IFNAR1: variants seen among roughly 807,000 people sequenced by gnomAD.
The protein encoded by IFNAR1 is interferon alpha/beta receptor 1.
A neutral mutation model predicts 62.1 loss-of-function variants in IFNAR1; 47 were observed. The ratio of observed to expected loss-of-function variants is 0.76; its 90% CI spans 0.60 to 0.97. IFNAR1 has a LOEUF of 0.97. Among genes scored for constraint, IFNAR1 ranks in the 50% least tolerant of loss-of-function variants. The pLI, the probability that IFNAR1 is intolerant of heterozygous loss-of-function variation, is 0.00. For missense variants in IFNAR1, 638 were observed against 654.5 expected, an observed-to-expected ratio of 0.97 and a Z score of 0.27; for synonymous variants, 219 against 226.9, an observed-to-expected ratio of 0.97 and a Z score of 0.31.
chr21:33,342,500 C>A (rs531281149), intron 3 of IFNAR1, among the ~76,000 whole-genome samples: 1 of 152,110 alleles, frequency 6.6e-6, no homozygotes, highest in East Asian at 1.9e-4. Flanking sequence ...TACTAATCTT[C>A]CAATTCCCTG....
At chr21:33,347,707 G>A (rs2123258019) in intron 6 of IFNAR1, among the ~76,000 whole-genome samples, 1 of 152,302 alleles carries the variant, frequency 6.6e-6, no homozygotes, top group South Asian at 2.1e-4. Context: ...AATTATGAGA[G>A]GAGGGCCTCC....
chr21:33,334,794 G>T (rs1287168406), intron 1 of IFNAR1: 2 of 816,704 alleles, frequency 2.4e-6, no homozygotes, highest in African/African-American at 1.7e-5. Context: ...GGTGCCATCA[G>T]TGGCTATCCT....
At chr21:33,347,131 CTT>C (rs5843597) in intron 6 of IFNAR1, among the ~76,000 whole-genome samples, 2,749 of 132,238 alleles carry the variant, frequency 0.021, 81 homozygotes, top group African/African-American at 0.07. Flanking sequence ...CCTCTAGATC[CTT>C]TTTTTTTTTT....
rs749808658 is a variant in IFNAR1 at position 33,355,445 on chromosome 21, C to T, written c.1570C>T (p.His524Tyr). The T allele has an allele frequency of 6.2e-6, 10 of 1,600,744 alleles. No individual in the cohort carries two copies. The highest frequency in any genetic ancestry group is 3.3e-4 in the Middle Eastern group (2 of 6,038). Residue 524 changes from histidine to tyrosine, a missense_variant, in exon 11 of 11, where the codon CAT becomes TAT. His to Tyr is a moderately conservative substitution (Grantham distance 83). Transcript: ENST00000270139. ...AGAAACTAATCAAACTGATGAAGAT[C>T]ATAAAAAATACAGTTCCCAAACTAG... ...VEETNQTDEDHKKYSSQTSQD... is the reference protein window; with the variant it reads ...VEETNQTDEDYKKYSSQTSQD...
At chr21:33,327,151 A>G (rs750489426) in intron 1 of IFNAR1, among the ~76,000 whole-genome samples, 6 of 152,174 alleles carry the variant, frequency 3.9e-5, no homozygotes, top group Non-Finnish European at 5.9e-5. Context: ...TGCATCCCAT[A>G]GTAATTTCTT....
At chr21:33,324,941 T>C (rs1230231824), upstream of IFNAR1, 1 of 862,066 alleles carries the variant, frequency 1.2e-6, no homozygotes, top group Non-Finnish European at 1.8e-6. Flanking sequence ...CGGTGAGAGC[T>C]AAGAGGGGCA....
Position 33,357,480 on chromosome 21 carries a change from C to G in IFNAR1, c.*1931C>G, listed in dbSNP as rs563249503. The G allele has an allele frequency of 1.3e-5, 2 of 151,872 alleles. No homozygotes were observed. Among genetic ancestry groups the G allele is most frequent in the Non-Finnish European group, 2.9e-5 (2 of 68,078 alleles). 9.4% of individuals were successfully genotyped at this position (151,872 alleles called of 1,614,324 possible). On this transcript the variant is annotated 3_prime_UTR_variant, in exon 11 of 11. Transcript: ENST00000270139. ...GGAATCTCATCTGAGAACCCACTCT[C>G]TGCCGGAGAACCCCATGGTGACACA...
At chr21:33,351,379 G>T (rs1332772951) in intron 8 of IFNAR1, among the ~76,000 whole-genome samples, 4 of 152,050 alleles carry the variant, frequency 2.6e-5, no homozygotes, top group Admixed American at 2.6e-4. Context: ...CATAGTCTCT[G>T]GTCCAAGGAG....
chr21:33,334,561 T>C, intron 1 of IFNAR1: 1 of 529,520 alleles, frequency 1.9e-6, no homozygotes, highest in Non-Finnish European at 3.7e-6. Flanking sequence ...AGAACTGCCC[T>C]GCGAGAAATG....
rs1262591993 is a variant in IFNAR1, at chr21:33,357,606, A to C, written c.*2057A>C. On this transcript the variant is annotated 3_prime_UTR_variant, in exon 11 of 11. Transcript: ENST00000270139. ...AGTGGCTTGATCTCGGCTCACTGCA[A>C]CCTCGCCTCCCGGGTTCAAGCAATT... 2.0e-5 allele frequency: 3 copies of C among 150,932 alleles called. No individual in the cohort carries two copies. The highest frequency in any genetic ancestry group is 1.3e-4 in the Admixed American group (2 of 15,162). The allele number at this position is 150,932 out of a possible 1,614,324, so 9.3% of individuals were successfully genotyped here.
Position 33,337,928 on chromosome 21 carries a change from A to G in IFNAR1, c.200+2281A>G, listed in dbSNP as rs942484844. Among the ~76,000 whole-genome samples, 129 of 152,020 alleles carry G rather than the reference A, an allele frequency of 8.5e-4. 1 individual carries two copies. Among genetic ancestry groups the G allele is most frequent in the African/African-American group, 3.0e-3 (124 of 41,410 alleles). On this transcript the variant is annotated intron_variant, in intron 2 of 10. Coordinates refer to ENST00000270139, the MANE Select transcript of IFNAR1 (RefSeq NM_000629.3). ...TTTTCCCTTAGTTTGGAATTTCCTT[A>G]TGAACAACTATTTTAGGTAGAGAAG...
chr21:33,357,530 G>GTTTTTTTTTTTTTGT lies in IFNAR1; in HGVS notation c.*1994_*1995insGTTTTTTTTTTTTTT, dbSNP rs2083459854. 2 of 139,672 alleles carry GTTTTTTTTTTTTTGT rather than the reference G, an allele frequency of 1.4e-5. No homozygotes were observed. Among genetic ancestry groups the GTTTTTTTTTTTTTGT allele is most frequent in the African/African-American group, 5.4e-5 (2 of 37,240 alleles). 8.7% of individuals were successfully genotyped at this position (139,672 alleles called of 1,614,324 possible). A position where few individuals can be genotyped will look rare whatever the true frequency, so the allele number is the denominator to read the frequency against. On this transcript the variant is annotated 3_prime_UTR_variant, in exon 11 of 11. Coordinates refer to ENST00000270139, the MANE Select transcript of IFNAR1 (RefSeq NM_000629.3). The stretch of plus-strand genomic sequence containing the variant: ...ATTTTCATCTTTCTGACCAGAGGCT[G>GTTTTTTTTTTTTTGT]TTTTTTTTTTTTTTTGAGACAGTCT...
At chr21:33,352,467 G>A (rs1001308462) in intron 8 of IFNAR1, among the ~76,000 whole-genome samples, 1 of 152,038 alleles carries the variant, frequency 6.6e-6, no homozygotes, top group African/African-American at 2.4e-5. Flanking sequence ...TAGGCGTGGT[G>A]GCATCTGCAT....
At position 33,344,977 on chromosome 21, in the gene IFNAR1, G is replaced by C. The variant is rs1601861036; in HGVS notation, c.674-269G>C. 2.0e-5 allele frequency among the ~76,000 whole-genome samples: 3 copies of C among 152,008 alleles called. No homozygotes were observed. In the South Asian group the frequency reaches 6.2e-4, roughly 31 times the overall value. Reference sequence around the variant, plus strand: ...TAATTTTTGTATTTTTAGTAGAAATGGGGTTTCACCATGTTGGCCAGGCGC... The same window carrying C: ...TAATTTTTGTATTTTTAGTAGAAATCGGGTTTCACCATGTTGGCCAGGCGC... On this transcript the variant is annotated intron_variant, in intron 5 of 10. Coordinates refer to ENST00000270139, the MANE Select transcript of IFNAR1 (RefSeq NM_000629.3).
rs140443940 is a variant in IFNAR1 at position 33,332,962 on chromosome 21, C to T, written c.77-2562C>T. Among the ~76,000 whole-genome samples the T allele has an allele frequency of 5.0e-3, 762 of 152,208 alleles. 6 individuals carry two copies. Among genetic ancestry groups the T allele is most frequent in the African/African-American group, 0.018 (735 of 41,536 alleles). On this transcript the variant is annotated intron_variant, in intron 1 of 10. Transcript: ENST00000270139. ...TAATGAAATAATAGCTGAAAACTTC[C>T]CAAGTCTGGAGAGAGATACAGACAT...
At position 33,353,695 on chromosome 21, in the gene IFNAR1, C is replaced by T. The variant is rs1350645249; in HGVS notation, c.1352C>T (p.Pro451Leu). The T allele has an allele frequency of 3.8e-6, 6 of 1,582,904 alleles. No homozygotes were observed. Among genetic ancestry groups the T allele is most frequent in the African/African-American group, 1.4e-5 (1 of 73,220 alleles). Residue 451 changes from proline to leucine, a missense_variant, in exon 10 of 11, where the codon CCG (proline) becomes CTG (leucine). Transcript: ENST00000270139. ...ATTTGTATTGCATTATTTGCTCTCC[C>T]GTTTGTCATTTATGCTGCGAAAGTC... ...VGICIALFAL[P>L]FVIYAAKVFL...
intron 1 of IFNAR1, among the ~76,000 whole-genome samples, chr21:33,329,578 A>G (rs2083157467): frequency 1.3e-5 from 2 of 152,112 alleles, no homozygotes; most frequent in Non-Finnish European, 2.9e-5. Context: ...CTATACAAGA[A>G]CCCCTGTGGT....
intron 3 of IFNAR1, among the ~76,000 whole-genome samples, chr21:33,342,688 C>CAAAAA (rs757422966): frequency 2.1e-5 from 2 of 93,506 alleles, no homozygotes; most frequent in Non-Finnish European, 4.5e-5. Flanking sequence ...ACTAAAAATA[C>CAAAAA]AAAAAAAAAA....
At chr21:33,327,802 G>A (rs1274252403) in intron 1 of IFNAR1, among the ~76,000 whole-genome samples, 1 of 152,166 alleles carries the variant, frequency 6.6e-6, no homozygotes, top group African/African-American at 2.4e-5. Flanking sequence ...TACATTTTAG[G>A]GAGACATATC....
Sources: gnomAD v4.1 joint callset for allele counts (sites outside exome capture counted in the v4.1 genomes callset) on GRCh38, gnomAD v4.1.1 for gene constraint, MANE v1.5 for transcripts, NCBI Gene and HGNC (gene_info 2026-07-23, HGNC 2026-07-21) for gene names.